UBE2W: variants seen among roughly 807,000 people sequenced by gnomAD.
UBE2W encodes the protein ubiquitin conjugating enzyme E2 W.
In UBE2W, 18 loss-of-function variants were observed where a neutral mutation model predicts 27.2. The ratio of observed to expected loss-of-function variants is 0.66; its 90% CI spans 0.46 to 0.98. UBE2W has a LOEUF of 0.98. Ranked by LOEUF, UBE2W falls within the 50% of genes least tolerant of loss-of-function variation. The pLI is 0.00. For missense variants in UBE2W, 90 were observed against 180.2 expected, an observed-to-expected ratio of 0.50 and a Z score of 2.87; for synonymous variants, 53 against 57.2, an observed-to-expected ratio of 0.93 and a Z score of 0.33.
rs1281038934 is a variant in UBE2W, at chr8:73,789,566, C to CTGGGTG, written c.*4530_*4535dup. 6.6e-6 allele frequency: 1 copy of CTGGGTG among 152,176 alleles called. No individual in the cohort carries two copies. The highest frequency in any genetic ancestry group is 6.6e-5 in the Admixed American group (1 of 15,240). The allele number at this position is 152,176 out of a possible 1,614,324, so 9.4% of individuals were successfully genotyped here. ...ATTATTTTTAAAAAATGATTCCAGG[C>CTGGGTG]TGGGTGTGGTGGGTCATGCCTGTAA... On this transcript the variant is annotated 3_prime_UTR_variant, in exon 6 of 6. Transcript: ENST00000602593.
At position 73,791,942 on chromosome 8, in the gene UBE2W, A is replaced by T; in HGVS notation, c.*2160T>A. ...TATATGACCTATTACTCTATAGTAT[A>T]GCATTGTTAATCTTTGACTCAGTAT... On this transcript the variant is annotated 3_prime_UTR_variant, in exon 6 of 6. Coordinates refer to ENST00000602593, the MANE Select transcript of UBE2W (RefSeq NM_018299.6). 1.0e-6 allele frequency: 1 copy of T among 985,240 alleles called. No individual in the cohort carries two copies. The highest frequency in any genetic ancestry group is 1.2e-6 in the Non-Finnish European group (1 of 829,736). The allele number at this position is 985,240 out of a possible 1,614,324, so 61.0% of individuals were successfully genotyped here. A position where few individuals can be genotyped will look rare whatever the true frequency, so the allele number is the denominator to read the frequency against.
intron 1 of UBE2W, among the ~76,000 whole-genome samples, chr8:73,873,729 A>C (rs1195223201): frequency 1.3e-5 from 2 of 152,230 alleles, no homozygotes; most frequent in African/African-American, 4.8e-5. Flanking sequence ...ATAAGCACAC[A>C]TTCATACTTT....
chr8:73,850,998 C>T (rs1413070892), intron 1 of UBE2W, among the ~76,000 whole-genome samples: 3 of 151,618 alleles, frequency 2.0e-5, no homozygotes, highest in African/African-American at 7.3e-5. Flanking sequence ...TAGCTGGAAA[C>T]ACAGGCATGC....
At chr8:73,816,314 CCTT>C (rs1376001827) in intron 3 of UBE2W, among the ~76,000 whole-genome samples, 1 of 152,158 alleles carries the variant, frequency 6.6e-6, no homozygotes, top group Non-Finnish European at 1.5e-5. Context: ...TCACTGTTAA[CCTT>C]CTTGTCAGGT....
chr8:73,830,903 A>T (rs1011152956), intron 1 of UBE2W, among the ~76,000 whole-genome samples: 1 of 152,188 alleles, frequency 6.6e-6, no homozygotes, highest in Non-Finnish European at 1.5e-5. Flanking sequence ...CTAGCCCCTT[A>T]TATATTCTAT....
Position 73,787,424 on chromosome 8 carries a change from A to G in UBE2W, c.*6678T>C. On this transcript the variant is annotated 3_prime_UTR_variant, in exon 6 of 6. Coordinates refer to ENST00000602593, the MANE Select transcript of UBE2W (RefSeq NM_018299.6). Reference sequence around the variant, plus strand: ...ATGGAAAGTAGAAATTAAGGATTATAATAAAGGAAAAGGGCATCATCAAAG... The same window carrying G: ...ATGGAAAGTAGAAATTAAGGATTATGATAAAGGAAAAGGGCATCATCAAAG... 1 of 985,422 alleles carries G rather than the reference A, an allele frequency of 1.0e-6. No homozygotes were observed. Among genetic ancestry groups the G allele is most frequent in the Non-Finnish European group, 1.2e-6 (1 of 829,910 alleles). 61.0% of individuals were successfully genotyped at this position (985,422 alleles called of 1,614,324 possible). A position where few individuals can be genotyped will look rare whatever the true frequency, so the allele number is the denominator to read the frequency against.
chr8:73,810,351 C>A, intron 4 of UBE2W, 123 bp downstream of exon 4: 1 of 967,708 alleles, frequency 1.0e-6, no homozygotes, highest in Non-Finnish European at 1.4e-6. Context: ...CATGAAATTC[C>A]CTATAATTTT....
At chr8:73,808,238 T>C (rs1177249521) in intron 4 of UBE2W, among the ~76,000 whole-genome samples, 3 of 151,856 alleles carry the variant, frequency 2.0e-5, no homozygotes, top group East Asian at 3.9e-4. Flanking sequence ...TAAAATACTT[T>C]TCTTTTTTCT....
intron 1 of UBE2W, among the ~76,000 whole-genome samples, chr8:73,840,491 G>A (rs554511847): frequency 6.6e-6 from 1 of 152,258 alleles, no homozygotes; most frequent in African/African-American, 2.4e-5. Context: ...ATCAAAACTG[G>A]AAGAACAGAA....
chr8:73,814,538 A>C (rs950236094), intron 3 of UBE2W, among the ~76,000 whole-genome samples: 2 of 151,716 alleles, frequency 1.3e-5, no homozygotes, highest in Non-Finnish European at 2.9e-5. Flanking sequence ...TTTTTTTTTG[A>C]GATGGAGTCT....
At chr8:73,846,445 T>A (rs1007035151) in intron 1 of UBE2W, among the ~76,000 whole-genome samples, 4 of 152,152 alleles carry the variant, frequency 2.6e-5, no homozygotes, top group African/African-American at 9.7e-5. Context: ...TGTTTCAGAC[T>A]TAAAAATTTT....
chr8:73,780,587 C>T (rs975372800), intron 4 of UBE2W: 2 of 432,032 alleles, frequency 4.6e-6, no homozygotes, highest in Non-Finnish European at 4.6e-6. Flanking sequence ...GGCTGGAGTG[C>T]AGTGGCACAA....
At chr8:73,813,317 A>C (rs995457562) in intron 3 of UBE2W, among the ~76,000 whole-genome samples, 6 of 152,200 alleles carry the variant, frequency 3.9e-5, no homozygotes, top group Admixed American at 3.9e-4. Context: ...CTCAGGAGAG[A>C]AGAGAAAGAA....
chr8:73,839,927 G>C (rs2130925575), intron 1 of UBE2W, among the ~76,000 whole-genome samples: 1 of 151,730 alleles, frequency 6.6e-6, no homozygotes, highest in African/African-American at 2.4e-5. Context: ...GGTGAGATGG[G>C]GTTTCACCAT....
At chr8:73,864,758 G>A (rs1421782180) in intron 1 of UBE2W, among the ~76,000 whole-genome samples, 7 of 134,182 alleles carry the variant, frequency 5.2e-5, no homozygotes, top group Admixed American at 5.1e-4. Context: ...TTTGGGGGGG[G>A]GGGGCGGGGG....
chr8:73,825,351 A>C, intron 2 of UBE2W, 102 bp from the exon 3 acceptor site: 1 of 746,496 alleles, frequency 1.3e-6, no homozygotes, highest in South Asian at 2.0e-5. Flanking sequence ...GCACTAGGAC[A>C]AGAGTTGGTT....
chr8:73,830,320 G>C lies in UBE2W; in HGVS notation c.107+61C>G. The C allele has an allele frequency of 7.4e-6, 9 of 1,214,720 alleles. No homozygotes were observed. In the South Asian group the frequency reaches 1.2e-4, roughly 16 times the overall value. The allele number at this position is 1,214,720 out of a possible 1,614,324, so 75.2% of individuals were successfully genotyped here. Reference sequence around the variant, plus strand: ...AATAATTTTGTAGTTTTAAAAAGCGGGTGAACATTCATACATTATTGGTAA... The same window carrying C: ...AATAATTTTGTAGTTTTAAAAAGCGCGTGAACATTCATACATTATTGGTAA... On this transcript the variant is annotated intron_variant, in intron 2 of 5. Coordinates refer to ENST00000602593, the MANE Select transcript of UBE2W (RefSeq NM_018299.6).
At chr8:73,855,091 A>T (rs1250085699) in intron 1 of UBE2W, among the ~76,000 whole-genome samples, 2 of 152,186 alleles carry the variant, frequency 1.3e-5, no homozygotes, top group Admixed American at 1.3e-4. Flanking sequence ...CAATGTCATG[A>T]CTTTCCTCTG....
intron 3 of UBE2W, among the ~76,000 whole-genome samples, chr8:73,824,542 G>A (rs1809750237): frequency 6.6e-6 from 1 of 152,136 alleles, no homozygotes; most frequent in South Asian, 2.1e-4. Context: ...TTCTCCGATG[G>A]CCTAGAGCAG....
Sources: gnomAD v4.1 joint callset for allele counts (sites outside exome capture counted in the v4.1 genomes callset) on GRCh38, gnomAD v4.1.1 for gene constraint, MANE v1.5 for transcripts, NCBI Gene and HGNC (gene_info 2026-07-23, HGNC 2026-07-21) for gene names.